The following ENOX1 variants were observed in gnomAD, a reference collection of about 807,000 sequenced individuals.
ENOX1 encodes the protein candidate growth-related and time keeping constitutive hydroquinone (NADH) oxidase.
ENOX1 carries 42 observed loss-of-function variants against 82.5 expected under a neutral mutation model. The ratio of observed to expected loss-of-function variants is 0.51; its 90% CI spans 0.40 to 0.66. ENOX1 has a LOEUF of 0.66. ENOX1 is among the 30% of genes least tolerant of loss of function. ENOX1 has a pLI of 0.00. For synonymous variants in ENOX1, 271 were observed against 282.2 expected (o/e 0.96, Z 0.40); for missense variants, 608 against 811.6 (o/e 0.75, Z 3.05).
intron 1 of ENOX1, among the ~76,000 whole-genome samples, chr13:43,720,432 C>A (rs935834348): frequency 2.0e-5 from 3 of 152,214 alleles, no homozygotes; most frequent in Non-Finnish European, 4.4e-5. Flanking sequence ...AAAGTTTGCC[C>A]ACTCTTCCCA....
chr13:43,366,441 A>AT (rs1321230793), intron 5 of ENOX1, among the ~76,000 whole-genome samples: 11 of 151,972 alleles, frequency 7.2e-5, no homozygotes, highest in South Asian at 4.2e-4. Context: ...TGCCTGGCTA[A>AT]TTTTTTTTGT....
At position 43,641,463 on chromosome 13, in the gene ENOX1, T is replaced by A. The variant is rs563313607; in HGVS notation, c.-219+26016A>T. Among the ~76,000 whole-genome samples, 19 of 152,118 alleles carry A rather than the reference T, an allele frequency of 1.2e-4. 1 individual carries two copies. In the East Asian group the frequency reaches 3.5e-3, roughly 28 times the overall value. On this transcript the variant is annotated intron_variant, in intron 2 of 16. Coordinates refer to ENST00000690772, the MANE Select transcript of ENOX1 (RefSeq NM_001347969.2). ...AGGCCCTTGAGTCTCTATAAGGAAT[T>A]GTGTGATTTAAATCAATACAACTGA...
intron 11 of ENOX1, among the ~76,000 whole-genome samples, chr13:43,317,118 G>A (rs952833994): frequency 3.3e-5 from 5 of 152,178 alleles, no homozygotes; most frequent in Admixed American, 1.3e-4. Context: ...GTCTGCTGGC[G>A]CCCGGAGCTC....
At chr13:43,750,602 G>T (rs1209592410) in intron 1 of ENOX1, among the ~76,000 whole-genome samples, 2 of 152,160 alleles carry the variant, frequency 1.3e-5, no homozygotes, top group African/African-American at 2.4e-5. Context: ...ATTAAGGCAA[G>T]ATCTCTGATC....
At chr13:43,303,123 C>A (rs577186009) in intron 11 of ENOX1, among the ~76,000 whole-genome samples, 1 of 152,296 alleles carries the variant, frequency 6.6e-6, no homozygotes, top group African/African-American at 2.4e-5. Flanking sequence ...TTCCCACATG[C>A]AAAGAAAGTC....
At chr13:43,567,884 G>C (rs921352676) in intron 2 of ENOX1, among the ~76,000 whole-genome samples, 1 of 152,134 alleles carries the variant, frequency 6.6e-6, no homozygotes, top group African/African-American at 2.4e-5. Context: ...CTGGTTTCTT[G>C]TTTACAATAA....
chr13:43,366,786 A>G (rs1017182095), intron 5 of ENOX1, among the ~76,000 whole-genome samples: 1 of 152,358 alleles, frequency 6.6e-6, no homozygotes, highest in Middle Eastern at 3.4e-3. Context: ...AGCCTCATTT[A>G]TAATATCTGT....
intron 2 of ENOX1, among the ~76,000 whole-genome samples, chr13:43,539,321 C>T (rs1339232223): frequency 6.6e-6 from 1 of 152,104 alleles, no homozygotes; most frequent in African/African-American, 2.4e-5. Flanking sequence ...TATACATTTT[C>T]CTCAAAGATG....
intron 5 of ENOX1, among the ~76,000 whole-genome samples, chr13:43,374,634 T>C (rs1033728564): frequency 6.6e-6 from 1 of 152,272 alleles, no homozygotes; most frequent in African/African-American, 2.4e-5. Context: ...TATTTCATTC[T>C]TATTCACAGA....
rs559765051 is a variant in ENOX1, at chr13:43,676,014, A to G, written c.-284-8470T>C. On this transcript the variant is annotated intron_variant, in intron 1 of 16. Coordinates refer to ENST00000690772, the MANE Select transcript of ENOX1 (RefSeq NM_001347969.2). ...GGTATATTGTGGCATAGATTTTTAGACAGACATTTAAATTATGAACCACAA... is the reference window on the plus strand; with the variant it reads ...GGTATATTGTGGCATAGATTTTTAGGCAGACATTTAAATTATGAACCACAA... Among the ~76,000 whole-genome samples the G allele has an allele frequency of 2.0e-5, 3 of 152,336 alleles. No homozygotes were observed. In the South Asian group the frequency reaches 6.2e-4, roughly 32 times the overall value.
intron 12 of ENOX1, among the ~76,000 whole-genome samples, chr13:43,278,678 C>G (rs1566405581): frequency 6.6e-6 from 1 of 151,970 alleles, no homozygotes; most frequent in Admixed American, 6.6e-5. Context: ...TAAATTGTGC[C>G]CTTTGCATTT....
At chr13:43,247,325 AATAC>A (rs1281260337) in intron 14 of ENOX1, among the ~76,000 whole-genome samples, 1 of 152,150 alleles carries the variant, frequency 6.6e-6, no homozygotes, top group Non-Finnish European at 1.5e-5. Context: ...AAAATAAATA[AATAC>A]ATAAATAAAA....
chr13:43,610,216 T>A (rs188167767), intron 2 of ENOX1, among the ~76,000 whole-genome samples: 1 of 152,220 alleles, frequency 6.6e-6, no homozygotes, highest in Admixed American at 6.5e-5. Flanking sequence ...TTGGCATTTA[T>A]GTAATATTTT....
chr13:43,647,327 G>C (rs745839285), intron 2 of ENOX1, among the ~76,000 whole-genome samples: 4 of 152,144 alleles, frequency 2.6e-5, no homozygotes, highest in African/African-American at 9.7e-5. Context: ...ATAAACTACT[G>C]TATCTGACAC....
At chr13:43,771,423 A>G (rs1225868058) in intron 1 of ENOX1, among the ~76,000 whole-genome samples, 1 of 152,188 alleles carries the variant, frequency 6.6e-6, no homozygotes, top group Non-Finnish European at 1.5e-5. Context: ...TCCAAAGGTA[A>G]TAATTTCAAG....
At chr13:43,253,825 C>T (rs2043595842) in intron 14 of ENOX1, among the ~76,000 whole-genome samples, 1 of 152,046 alleles carries the variant, frequency 6.6e-6, no homozygotes, top group South Asian at 2.1e-4. Context: ...ACCTTTTGGG[C>T]TCCCGACTCT....
intron 13 of ENOX1, among the ~76,000 whole-genome samples, chr13:43,265,740 G>T (rs1307876188): frequency 6.6e-6 from 1 of 152,134 alleles, no homozygotes; most frequent in Non-Finnish European, 1.5e-5. Context: ...GTATAAAATT[G>T]GTTCTTAAGA....
chr13:43,326,523 C>T lies in ENOX1; in HGVS notation c.1039G>A (p.Glu347Lys). The T allele has an allele frequency of 6.2e-7, 1 of 1,613,842 alleles. No homozygotes were observed. Among genetic ancestry groups the T allele is most frequent in the Non-Finnish European group, 8.5e-7 (1 of 1,179,712 alleles). ...NALTGILTQF[E>K]QIVAVFNAST... is the part of the protein sequence containing the mutation. Reference sequence around the variant, plus strand: ...GCGTTGAAAACGGCCACAATCTGCTCAACTTTGGTGAACAAGGAAGTCAAA... The same window carrying T: ...GCGTTGAAAACGGCCACAATCTGCTTAACTTTGGTGAACAAGGAAGTCAAA... Residue 347 changes from glutamate (E) to lysine (K), a missense_variant and splice_region_variant, in exon 10 of 17, where the codon GAG becomes AAG. Physicochemically the swap from Glu to Lys is moderately conservative, Grantham distance 56. Transcript: ENST00000690772.
chr13:43,541,173 G>GTTTTTCTTTTTTTTTTTTTTTT (rs2078697290), intron 2 of ENOX1, among the ~76,000 whole-genome samples: 1 of 64,574 alleles, frequency 1.5e-5, no homozygotes, highest in South Asian at 1.3e-3. Flanking sequence ...TCTTCCCTCT[G>GTTTTTCTTTTTTTTTTTTTTTT]TTTTTTTTTT....
Sources: gnomAD v4.1 joint callset for allele counts (sites outside exome capture counted in the v4.1 genomes callset) on GRCh38, gnomAD v4.1.1 for gene constraint, MANE v1.5 for transcripts, NCBI Gene and HGNC (gene_info 2026-07-23, HGNC 2026-07-21) for gene names.